The following INSC variants were observed in gnomAD, a reference collection of about 807,000 sequenced individuals.
The protein encoded by INSC is INSC spindle orientation adaptor protein, also known as protein inscuteable homolog.
A neutral mutation model predicts 58.6 loss-of-function variants in INSC; 67 were observed. The observed-to-expected ratio is 1.14, with a 90% CI of 0.94 to 1.40. The LOEUF (loss-of-function observed/expected upper bound fraction) is 1.40. Ranked by LOEUF, INSC falls within the 40% of genes most tolerant of loss-of-function variation. INSC has a pLI of 0.00. For synonymous variants in INSC, 262 were observed against 276.1 expected (o/e 0.95, Z 0.51); for missense variants, 714 against 692.0 (o/e 1.03, Z -0.36).
At chr11:15,269,623 A>G in the INSC span, among the ~76,000 whole-genome samples, 1 of 151,890 alleles carries the variant, frequency 6.6e-6, no homozygotes, top group Non-Finnish European at 1.5e-5. Flanking sequence ...GATGATCTGA[A>G]CTAGGTAAGT....
At chr11:15,160,949 A>G (rs1848996597) in intron 2 of INSC, among the ~76,000 whole-genome samples, 1 of 152,240 alleles carries the variant, frequency 6.6e-6, no homozygotes, top group Non-Finnish European at 1.5e-5. Context: ...TGAGGGTAAT[A>G]AATAGCATTT....
chr11:15,172,467 A>G (rs1047414591), intron 2 of INSC, among the ~76,000 whole-genome samples: 5 of 152,194 alleles, frequency 3.3e-5, no homozygotes, highest in Admixed American at 1.3e-4. Flanking sequence ...AGCCAGGCAC[A>G]AGAGACTGTT....
the INSC span, among the ~76,000 whole-genome samples, chr11:15,253,869 G>C: frequency 6.6e-6 from 1 of 152,146 alleles, no homozygotes; most frequent in Non-Finnish European, 1.5e-5. Context: ...GAGATTTGGA[G>C]TGTAGACTGG....
rs1268590151 is a variant in INSC at position 15,147,088 on chromosome 11, A to G, written c.-45-2042A>G. ...AATGATGAAGATGTTGAAGTAAAAC[A>G]AAATCTACTTGCTCCCTGCCATCTA... On this transcript the variant is annotated intron_variant, in intron 1 of 12. Coordinates refer to ENST00000379556, the MANE Select transcript of INSC (RefSeq NM_001042536.3). Among the ~76,000 whole-genome samples the G allele has an allele frequency of 3.3e-5, 5 of 152,326 alleles. No homozygotes were observed. In the South Asian group the frequency reaches 8.3e-4, roughly 25 times the overall value.
intron 9 of INSC, among the ~76,000 whole-genome samples, chr11:15,228,517 C>T (rs1851726811): frequency 6.6e-6 from 1 of 152,218 alleles, no homozygotes; most frequent in African/African-American, 2.4e-5. Context: ...AGTGAAAGTG[C>T]ACCCATTAAA....
the INSC span, among the ~76,000 whole-genome samples, chr11:15,256,567 G>A: frequency 5.1e-4 from 76 of 150,372 alleles, no homozygotes; most frequent in South Asian, 8.4e-4. Flanking sequence ...TTGGCTCACC[G>A]CAACCTCCGC....
chr11:15,175,815 T>G lies in INSC; in HGVS notation c.131T>G (p.Met44Arg). 2 of 1,610,050 alleles carry G rather than the reference T, an allele frequency of 1.2e-6. No individual in the cohort carries two copies. The highest frequency in any genetic ancestry group is 1.7e-6 in the Non-Finnish European group (2 of 1,176,780). ...AAGCTCATGACCGAGTGCGAGTGCA[T>G]GTGTGTCCTGCAGGCCAAGCCCATC... ...DLKLMTECEC[M>R]CVLQAKPISL... Residue 44 changes from methionine (M) to arginine (R), a missense_variant, in exon 3 of 13, where the codon ATG becomes AGG. By Grantham distance (91) the Met-to-Arg change is moderately conservative. Transcript: ENST00000379556.
chr11:15,189,488 C>A (rs1449134183), intron 5 of INSC, among the ~76,000 whole-genome samples: 3 of 152,104 alleles, frequency 2.0e-5, no homozygotes, highest in African/African-American at 7.2e-5. Flanking sequence ...CTGCCTCAAT[C>A]TTCCAAATAG....
chr11:15,139,564 G>A lies in INSC; in HGVS notation c.-45-9566G>A, dbSNP rs530084729. Among the ~76,000 whole-genome samples the A allele has an allele frequency of 2.5e-4, 38 of 152,336 alleles. 1 individual carries two copies. In the South Asian group the frequency reaches 7.5e-3, roughly 30 times the overall value. ...TAGGCGCTGTCCTCACCAGAAGAGAGGTGGAACCAGTCTTTAGATCAACAC... is the reference window on the plus strand; with the variant it reads ...TAGGCGCTGTCCTCACCAGAAGAGAAGTGGAACCAGTCTTTAGATCAACAC... On this transcript the variant is annotated intron_variant, in intron 1 of 12. Transcript: ENST00000379556.
intron 5 of INSC, among the ~76,000 whole-genome samples, chr11:15,180,701 G>T (rs867509763): frequency 4.6e-4 from 49 of 107,278 alleles, no homozygotes; most frequent in Non-Finnish European, 7.8e-4. Context: ...GGGCGGGGGG[G>T]GGTGGTGGCC....
intron 7 of INSC, among the ~76,000 whole-genome samples, chr11:15,216,791 A>G (rs1459974654): frequency 1.3e-5 from 2 of 152,056 alleles, no homozygotes; most frequent in Non-Finnish European, 2.9e-5. Context: ...ACTTCTGGAG[A>G]GAAGCCCAGT....
intron 11 of INSC, among the ~76,000 whole-genome samples, chr11:15,239,813 A>T (rs1299440020): frequency 6.6e-6 from 1 of 152,142 alleles, no homozygotes. Flanking sequence ...CTGTGGTTTG[A>T]TGGGTAAGTT....
At chr11:15,178,915 C>T (rs894072342) in intron 5 of INSC, among the ~76,000 whole-genome samples, 1 of 152,184 alleles carries the variant, frequency 6.6e-6, no homozygotes, top group South Asian at 2.1e-4. Context: ...ACAGTTTACC[C>T]GATGGGTCCT....
At chr11:15,222,087 A>G (rs937360891) in intron 8 of INSC, among the ~76,000 whole-genome samples, 3 of 152,200 alleles carry the variant, frequency 2.0e-5, no homozygotes, top group Non-Finnish European at 2.9e-5. Flanking sequence ...CCAGCCCACC[A>G]CAACCTGCTG....
At chr11:15,112,538 C>G (rs766635308), upstream of INSC, 1 of 1,599,010 alleles carries the variant, frequency 6.3e-7, no homozygotes, top group Non-Finnish European at 8.5e-7. Context: ...TATGGGGAGT[C>G]CAGGAGTCCA....
At chr11:15,131,222 T>C (rs1178207696) in intron 1 of INSC, among the ~76,000 whole-genome samples, 1 of 152,138 alleles carries the variant, frequency 6.6e-6, no homozygotes, top group African/African-American at 2.4e-5. Context: ...ATTTTTAATA[T>C]GTCTATTTTC....
the INSC span, among the ~76,000 whole-genome samples, chr11:15,252,673 G>A: frequency 6.6e-6 from 1 of 152,194 alleles, no homozygotes; most frequent in South Asian, 2.1e-4. Context: ...GATGACTTCT[G>A]ACACATTTTG....
chr11:15,201,338 C>T (rs1374044105), intron 7 of INSC, among the ~76,000 whole-genome samples: 2 of 152,108 alleles, frequency 1.3e-5, no homozygotes, highest in South Asian at 2.1e-4. Flanking sequence ...ATCCTGGGAG[C>T]ATTGACTGGG....
chr11:15,112,602 GT>G, upstream of INSC: 1 of 609,486 alleles, frequency 1.6e-6, no homozygotes, highest in South Asian at 5.1e-5. Context: ...GTGTGTGTGT[GT>G]GTGTGTGTGT....
Sources: gnomAD v4.1 joint callset for allele counts (sites outside exome capture counted in the v4.1 genomes callset) on GRCh38, gnomAD v4.1.1 for gene constraint, MANE v1.5 for transcripts, NCBI Gene and HGNC (gene_info 2026-07-23, HGNC 2026-07-21) for gene names.